The following TARS1 variants were observed in gnomAD, a reference collection of about 807,000 sequenced individuals.
TARS1 encodes the protein threonyl-tRNA synthetase 1, also known as threonine--tRNA ligase 1, cytoplasmic.
Under a neutral mutation model 97.7 loss-of-function variants are expected in TARS1, and 57 were observed. The ratio of observed to expected loss-of-function variants is 0.58; its 90% CI spans 0.47 to 0.73. The LOEUF (loss-of-function observed/expected upper bound fraction) is 0.73. Ranked by LOEUF, TARS1 falls within the 30% of genes least tolerant of loss-of-function variation. The pLI, the probability that TARS1 is intolerant of heterozygous loss-of-function variation, is 0.00. For synonymous variants in TARS1, 312 were observed against 293.7 expected (o/e 1.06, Z -0.64); for missense variants, 806 against 888.3 (o/e 0.91, Z 1.18).
intron 17 of TARS1, among the ~76,000 whole-genome samples, chr5:33,465,252 C>T (rs1003418875): frequency 1.6e-4 from 25 of 152,168 alleles, no homozygotes; most frequent in Non-Finnish European, 2.8e-4. Context: ...TGAAAACTCA[C>T]ACAGTAGGAA....
At chr5:33,460,522 A>C (rs773110586) in intron 11 of TARS1, among the ~76,000 whole-genome samples, 1 of 152,326 alleles carries the variant, frequency 6.6e-6, no homozygotes, top group Non-Finnish European at 1.5e-5. Context: ...GACACAGGAG[A>C]GCTGTGGATA....
Position 33,458,571 on chromosome 5 carries a change from A to G in TARS1, c.990A>G (p.Gln330=). Residue 330 remains glutamine, a synonymous_variant, in exon 10 of 19, where the codon CAA becomes CAG. Transcript: ENST00000265112. The part of the protein sequence containing the change: ...NRDHRKIGRD[Q]ELYFFHELSP... Reference sequence around the variant, plus strand: ...TTTGCTTTTCTTTTACCCAGGACCAAGAACTATATTTCTTTCATGAACTCA... The same window carrying G: ...TTTGCTTTTCTTTTACCCAGGACCAGGAACTATATTTCTTTCATGAACTCA... The G allele has an allele frequency of 6.2e-7, 1 of 1,612,708 alleles. No individual in the cohort carries two copies. Among genetic ancestry groups the G allele is most frequent in the Non-Finnish European group, 8.5e-7 (1 of 1,179,500 alleles).
chr5:33,453,785 T>G (rs564380463), intron 4 of TARS1, among the ~76,000 whole-genome samples: 1 of 152,036 alleles, frequency 6.6e-6, no homozygotes, highest in South Asian at 2.1e-4. Context: ...AGTGGTGCGC[T>G]CTTGCCTCAG....
intron 18 of TARS1, 45 bp from the exon 19 acceptor site, chr5:33,467,515 A>G (rs903632042): frequency 4.4e-6 from 7 of 1,590,636 alleles, no homozygotes; most frequent in Non-Finnish European, 6.0e-6. Context: ...GAATTCTTCC[A>G]TATCTTTAGA....
At chr5:33,466,090 C>A (rs932755348) in intron 17 of TARS1, 1 of 152,096 alleles carries the variant, frequency 6.6e-6, no homozygotes, top group South Asian at 2.1e-4. Flanking sequence ...GAGGATAGGC[C>A]GTCACTGCTC....
At chr5:33,460,842 A>G (rs140748939) in intron 11 of TARS1, 60 bp from the exon 12 acceptor site, 25 of 1,587,012 alleles carry the variant, frequency 1.6e-5, no homozygotes, top group Middle Eastern at 3.5e-4. Flanking sequence ...GTAATTAAAT[A>G]TAGCATTACA....
chr5:33,455,891 A>G (rs1741991325), intron 6 of TARS1, 111 bp from the exon 7 acceptor site: 1 of 1,047,256 alleles, frequency 9.5e-7, no homozygotes, highest in Non-Finnish European at 1.4e-6. Context: ...CATGTTTTTA[A>G]AACATGAAGT....
At chr5:33,441,240 G>A (rs1741077666) in intron 1 of TARS1, 97 bp downstream of exon 1, 1 of 1,478,562 alleles carries the variant, frequency 6.8e-7, no homozygotes. Flanking sequence ...AGCAGGAAGC[G>A]GCCGGGACCG....
At chr5:33,458,133 T>A (rs1047191944) in intron 9 of TARS1, among the ~76,000 whole-genome samples, 3 of 152,212 alleles carry the variant, frequency 2.0e-5, no homozygotes, top group African/African-American at 7.2e-5. Flanking sequence ...TTTACCATCA[T>A]CTATTTCATT....
intron 1 of TARS1, among the ~76,000 whole-genome samples, chr5:33,444,081 C>G (rs747817562): frequency 1.6e-4 from 25 of 151,988 alleles, no homozygotes; most frequent in Non-Finnish European, 2.9e-4. Flanking sequence ...TAAAAAGGTA[C>G]AATGACAAGT....
chr5:33,444,024 C>T (rs780521074), intron 1 of TARS1, among the ~76,000 whole-genome samples: 5 of 151,848 alleles, frequency 3.3e-5, no homozygotes, highest in South Asian at 2.1e-4. Context: ...CCAAAATGTC[C>T]ATCAACTGAT....
chr5:33,449,327 ACGCGTATATATACACGTG>A (rs1561069826), intron 3 of TARS1, among the ~76,000 whole-genome samples: 3 of 146,892 alleles, frequency 2.0e-5, no homozygotes, highest in African/African-American at 5.1e-5. Flanking sequence ...GTATATATAT[ACGCGTATATATACACGTG>A]TATATATATA....
intron 3 of TARS1, chr5:33,452,425 T>TGG: frequency 6.5e-7 from 1 of 1,535,280 alleles, no homozygotes; most frequent in Middle Eastern, 1.7e-4. Flanking sequence ...TGCCATGGCC[T>TGG]CCTCTTTTCT....
At position 33,460,906 on chromosome 5, in the gene TARS1, A is replaced by G; in HGVS notation, c.1255A>G (p.Met419Val). 6.2e-7 allele frequency: 1 copy of G among 1,614,054 alleles called. No individual in the cohort carries two copies. The highest frequency in any genetic ancestry group is 8.5e-7 in the Non-Finnish European group (1 of 1,179,998). ...KPMNCPGHCL[M>V]FDHRPRSWRE... is the part of the protein sequence containing the mutation. ...GACTTTTCTTTTTCTCTTCAGCCTT[A>G]TGTTTGATCATCGGCCAAGGTCCTG... The change falls in exon 12 of 19, where the codon ATG becomes GTG. Residue 419 changes from methionine (M) to valine (V), a missense_variant. By Grantham distance (21) the Met-to-Val change is conservative (BLOSUM62 1). This residue lies in a region of TARS1 where 446 missense variants were observed against 511.0 expected (regional missense o/e 0.87). Coordinates refer to ENST00000265112, the MANE Select transcript of TARS1 (RefSeq NM_152295.5).
chr5:33,456,224 C>T lies in TARS1; in HGVS notation c.834C>T (p.His278=). The T allele has an allele frequency of 6.2e-7, 1 of 1,609,566 alleles. No homozygotes were observed. The highest frequency in any genetic ancestry group is 8.5e-7 in the Non-Finnish European group (1 of 1,176,210). Residue 278 remains histidine, a synonymous_variant, in exon 8 of 19, where the codon CAC becomes CAT. Transcript: ENST00000265112. ...GCAAAATTAAGGCTTTAAAAATACA[C>T]AAAGTAAGTAATGTAACTTTAAAGA... ...HTGKIKALKI[H]KNSSTYWEGK...
chr5:33,463,359 TC>T (rs1360479373), intron 16 of TARS1, among the ~76,000 whole-genome samples: 1 of 152,244 alleles, frequency 6.6e-6, no homozygotes, highest in African/African-American at 2.4e-5. Flanking sequence ...GGGCACTGTG[TC>T]CCCGTGAAGA....
At chr5:33,459,622 CTT>C in intron 10 of TARS1, 71 bp from the exon 11 acceptor site, 1 of 1,546,984 alleles carries the variant, frequency 6.5e-7, no homozygotes, top group Non-Finnish European at 8.9e-7. Flanking sequence ...TAAAATCACT[CTT>C]TAAGTTTTTA....
chr5:33,458,228 A>C (rs1001855109), intron 9 of TARS1, among the ~76,000 whole-genome samples: 2 of 152,220 alleles, frequency 1.3e-5, no homozygotes, highest in Non-Finnish European at 2.9e-5. Context: ...AAAGATCCAG[A>C]TCTTGGAGCT....
chr5:33,441,259 G>C (rs1031294689), intron 1 of TARS1, 116 bp downstream of exon 1: 8 of 1,231,722 alleles, frequency 6.5e-6, no homozygotes, highest in Non-Finnish European at 8.3e-6. Context: ...CGCGTGGGTC[G>C]GAGAAGTGGG....
Sources: allele counts gnomAD v4.1 joint callset (sites outside exome capture counted in the v4.1 genomes callset), GRCh38; gene constraint gnomAD v4.1.1; regional missense constraint gnomAD v4.1.1; transcripts MANE v1.5; gene names NCBI Gene and HGNC (gene_info 2026-07-23, HGNC 2026-07-21).